Variants in AUTS2 observed in about 807,000 individuals in gnomAD.
AUTS2 encodes the protein activator of transcription and developmental regulator AUTS2, also known as autism susceptibility gene 2 protein.
In AUTS2, 17 loss-of-function variants were observed where a neutral mutation model predicts 112.4. The ratio of observed to expected loss-of-function variants is 0.15; its 90% confidence interval spans 0.10 to 0.23. AUTS2 has a LOEUF of 0.23. Ranked by LOEUF, AUTS2 falls within the 10% of genes least tolerant of loss-of-function variation. AUTS2 has a pLI of 1.00. For missense variants in AUTS2, 1,510 were observed against 1,701.6 expected (o/e 0.89, Z 1.98); for synonymous variants, 751 against 702.7 (o/e 1.07, Z -1.09).
At chr7:70,562,688 A>G (rs759535050) in intron 5 of AUTS2, among the ~76,000 whole-genome samples, 2 of 152,330 alleles carry the variant, frequency 1.3e-5, no homozygotes, top group African/African-American at 2.4e-5. Flanking sequence ...TTGGAACTTA[A>G]TAGAGGTAGA....
At chr7:70,321,470 A>T (rs928685721) in intron 4 of AUTS2, among the ~76,000 whole-genome samples, 1 of 152,190 alleles carries the variant, frequency 6.6e-6, no homozygotes, top group African/African-American at 2.4e-5. Flanking sequence ...AACAGAAAGT[A>T]AGGAAGCATA....
rs530444257 is a variant in AUTS2, at chr7:69,689,343, A to ATTTT, written c.309+89403_309+89406dup. Among the ~76,000 whole-genome samples, 356 of 102,438 alleles carry ATTTT rather than the reference A, an allele frequency of 3.5e-3. 1 individual carries two copies. The highest frequency in any genetic ancestry group is 8.9e-3 in the Middle Eastern group (1 of 112). The allele number at this position is 102,438 out of a possible 152,430, so 67.2% of individuals were successfully genotyped here. On this transcript the variant is annotated intron_variant, in intron 1 of 18. Coordinates refer to ENST00000342771, the MANE Select transcript of AUTS2 (RefSeq NM_015570.4). The stretch of plus-strand genomic sequence containing the variant: ...TACCTTTTAATTAATTAATTAATTA[A>ATTTT]TTTTTTTTTTTTTTTTTTTTTTTTT...
chr7:70,211,303 ACTC>A (rs1810872334), intron 4 of AUTS2, among the ~76,000 whole-genome samples: 1 of 148,080 alleles, frequency 6.8e-6, no homozygotes, highest in Non-Finnish European at 1.5e-5. Context: ...TCTTACTGTA[ACTC>A]CTCCTCCCTC....
chr7:69,883,625 A>G (rs2129538170), intron 1 of AUTS2, among the ~76,000 whole-genome samples: 1 of 152,300 alleles, frequency 6.6e-6, no homozygotes. Context: ...GAAACTGGAC[A>G]TGGGAAAAAG....
chr7:70,217,377 G>T (rs1443758196), intron 4 of AUTS2, among the ~76,000 whole-genome samples: 1 of 152,302 alleles, frequency 6.6e-6, no homozygotes, highest in Admixed American at 6.5e-5. Flanking sequence ...AAGTTTACAT[G>T]TTGAGCCCAA....
chr7:70,224,372 TACAATACAATAC>T (rs1811652038), intron 4 of AUTS2, among the ~76,000 whole-genome samples: 1 of 151,158 alleles, frequency 6.6e-6, no homozygotes, highest in Admixed American at 6.6e-5. Flanking sequence ...TACAATACAA[TACAATACAATAC>T]AATACAATAC....
At chr7:70,099,405 C>T (rs1047083942) in intron 2 of AUTS2, among the ~76,000 whole-genome samples, 14 of 152,120 alleles carry the variant, frequency 9.2e-5, no homozygotes, top group African/African-American at 2.2e-4. Context: ...CTGTTCTCTA[C>T]GTGTTGAATT....
intron 5 of AUTS2, among the ~76,000 whole-genome samples, chr7:70,584,502 C>G (rs1454749053): frequency 6.6e-6 from 1 of 152,194 alleles, no homozygotes; most frequent in Non-Finnish European, 1.5e-5. Context: ...TGGTCAATTG[C>G]AATTTGGGAG....
At chr7:70,141,984 T>C (rs896590243) in intron 4 of AUTS2, among the ~76,000 whole-genome samples, 1 of 152,194 alleles carries the variant, frequency 6.6e-6, no homozygotes, top group Non-Finnish European at 1.5e-5. Flanking sequence ...ACTGAGAAAT[T>C]TGACAAAAAA....
At chr7:70,668,027 T>C (rs1285299672) in intron 5 of AUTS2, among the ~76,000 whole-genome samples, 1 of 152,220 alleles carries the variant, frequency 6.6e-6, no homozygotes, top group African/African-American at 2.4e-5. Context: ...CTAGGCTGGA[T>C]GGAGTGCAGT....
rs188365679 is a variant in AUTS2, at chr7:70,422,153, T to A, written c.661-13599T>A. Among the ~76,000 whole-genome samples, 569 of 152,322 alleles carry A rather than the reference T, an allele frequency of 3.7e-3. 4 individuals are homozygous for A. Among genetic ancestry groups the A allele is most frequent in the African/African-American group, 0.013 (532 of 41,578 alleles). On this transcript the variant is annotated intron_variant, in intron 4 of 18. Transcript: ENST00000342771. ...GACGGTAGCCTAAGATGTCTTTGGATCTTCTTGAACCATTCTCATTATCTC... is the reference window on the plus strand; with the variant it reads ...GACGGTAGCCTAAGATGTCTTTGGAACTTCTTGAACCATTCTCATTATCTC...
At chr7:69,681,172 G>T (rs1397265290) in intron 1 of AUTS2, among the ~76,000 whole-genome samples, 3 of 152,166 alleles carry the variant, frequency 2.0e-5, no homozygotes, top group African/African-American at 4.8e-5. Flanking sequence ...CATTTGAGTT[G>T]TTTTCACCTC....
At chr7:70,046,261 G>A (rs1801498814) in intron 2 of AUTS2, among the ~76,000 whole-genome samples, 2 of 152,116 alleles carry the variant, frequency 1.3e-5, no homozygotes, top group African/African-American at 4.8e-5. Context: ...CAGCTTGGTT[G>A]TTTACTGTCT....
At chr7:69,752,925 A>T (rs182471685) in intron 1 of AUTS2, among the ~76,000 whole-genome samples, 1 of 152,216 alleles carries the variant, frequency 6.6e-6, no homozygotes. Flanking sequence ...GGTAATATTA[A>T]CTTGTTGTAA....
chr7:70,469,761 C>G (rs1797306862), intron 5 of AUTS2, among the ~76,000 whole-genome samples: 1 of 152,198 alleles, frequency 6.6e-6, no homozygotes, highest in Non-Finnish European at 1.5e-5. Context: ...CTGCCTCAGC[C>G]TCTTGAGTAG....
At position 69,958,708 on chromosome 7, in the gene AUTS2, T is replaced by C. The variant is rs147125862; in HGVS notation, c.522+59210T>C. Among the ~76,000 whole-genome samples, 5 of 152,248 alleles carry C rather than the reference T, an allele frequency of 3.3e-5. No individual in the cohort carries two copies. In the East Asian group the frequency reaches 9.7e-4, roughly 29 times the overall value. Reference sequence around the variant, plus strand: ...TCTCAGACGTTTTTCTGCACCAAAATCACCTAAAAGGCTGGTTTAACCGAC... The same window carrying C: ...TCTCAGACGTTTTTCTGCACCAAAACCACCTAAAAGGCTGGTTTAACCGAC... On this transcript the variant is annotated intron_variant, in intron 2 of 18. Coordinates refer to ENST00000342771, the MANE Select transcript of AUTS2 (RefSeq NM_015570.4).
At chr7:70,582,970 A>T (rs1415955886) in intron 5 of AUTS2, among the ~76,000 whole-genome samples, 1 of 152,220 alleles carries the variant, frequency 6.6e-6, no homozygotes, top group Non-Finnish European at 1.5e-5. Context: ...TGGGTTAAAA[A>T]TAGGGAAGGA....
chr7:70,454,493 C>T (rs763880486), intron 5 of AUTS2, among the ~76,000 whole-genome samples: 11 of 152,058 alleles, frequency 7.2e-5, no homozygotes, highest in East Asian at 1.9e-4. Context: ...GCCGAGATCA[C>T]GCCATTGCAC....
intron 4 of AUTS2, among the ~76,000 whole-genome samples, chr7:70,139,609 A>G (rs1806750563): frequency 2.6e-5 from 4 of 152,204 alleles, no homozygotes; most frequent in Admixed American, 6.5e-5. Context: ...TTTTATTAGA[A>G]CATTCAAATT....
Sources: allele counts gnomAD v4.1 joint callset (sites outside exome capture counted in the v4.1 genomes callset), GRCh38; gene constraint gnomAD v4.1.1; transcripts MANE v1.5; gene names NCBI Gene and HGNC (gene_info 2026-07-23, HGNC 2026-07-21).